Variants in CDC42BPA observed in about 807,000 individuals in gnomAD.
CDC42BPA encodes CDC42 binding protein kinase alpha, also known as serine/threonine-protein kinase MRCK alpha.
A neutral mutation model predicts 223.5 loss-of-function variants in CDC42BPA; 80 were observed. The observed-to-expected ratio is 0.36, with a 90% CI of 0.30 to 0.43. The LOEUF is 0.43. Among genes scored for constraint, CDC42BPA ranks in the 20% least tolerant of loss-of-function variants. The pLI, the probability that CDC42BPA is intolerant of heterozygous loss-of-function variation, is 1.00. For synonymous variants in CDC42BPA, 694 were observed against 718.6 expected, an observed-to-expected ratio of 0.97 and a Z score of 0.55; for missense variants, 1,743 against 2,099.9, an observed-to-expected ratio of 0.83 and a Z score of 3.32.
intron 15 of CDC42BPA, among the ~76,000 whole-genome samples, chr1:227,094,001 A>C (rs1005245469): frequency 6.6e-6 from 1 of 152,168 alleles, no homozygotes; most frequent in African/African-American, 2.4e-5. Context: ...GTTACATCAA[A>C]AAGGGAGGCC....
intron 10 of CDC42BPA, among the ~76,000 whole-genome samples, chr1:227,131,204 T>C (rs1479837254): frequency 6.6e-6 from 1 of 152,236 alleles, no homozygotes; most frequent in Non-Finnish European, 1.5e-5. Flanking sequence ...CTACGGCAGA[T>C]ACTGCTTGTT....
At chr1:227,074,480 T>C in intron 17 of CDC42BPA, 116 bp from the exon 18 acceptor site, 2 of 723,826 alleles carry the variant, frequency 2.8e-6, no homozygotes, top group Non-Finnish European at 4.5e-6. Flanking sequence ...TAGTCTTAAA[T>C]AATTTCTTTG....
chr1:227,292,014 G>A (rs752832325), intron 1 of CDC42BPA, among the ~76,000 whole-genome samples: 11 of 151,154 alleles, frequency 7.3e-5, no homozygotes, highest in South Asian at 2.1e-4. Context: ...ACGGAGTCTC[G>A]CTCTGTTGCC....
At chr1:227,205,286 ATAT>A (rs1558757821) in intron 3 of CDC42BPA, among the ~76,000 whole-genome samples, 346 of 85,570 alleles carry the variant, frequency 4.0e-3, no homozygotes, top group South Asian at 5.7e-3. Context: ...AAAAAAAAAT[ATAT>A]ATATATATAT....
chr1:227,179,509 A>G (rs924555249), intron 5 of CDC42BPA, among the ~76,000 whole-genome samples: 1 of 151,414 alleles, frequency 6.6e-6, no homozygotes, highest in Non-Finnish European at 1.5e-5. Context: ...GGTGGTGGGC[A>G]CCTGTAGTCC....
chr1:227,083,955 G>C (rs968796737), intron 16 of CDC42BPA, among the ~76,000 whole-genome samples: 2 of 152,162 alleles, frequency 1.3e-5, no homozygotes, highest in African/African-American at 4.8e-5. Context: ...CCTAGATTCT[G>C]AGGTTTTTCT....
intron 1 of CDC42BPA, among the ~76,000 whole-genome samples, chr1:227,312,712 A>T (rs1453143115): frequency 6.6e-6 from 1 of 152,130 alleles, no homozygotes; most frequent in East Asian, 1.9e-4. Flanking sequence ...CCGTCACCCA[A>T]ATCTCATGTC....
chr1:227,193,195 G>C (rs1018731356), intron 5 of CDC42BPA, among the ~76,000 whole-genome samples: 1 of 148,578 alleles, frequency 6.7e-6, no homozygotes, highest in African/African-American at 2.5e-5. Context: ...CAGCCTCTCC[G>C]AGTAGCTGGG....
At chr1:227,112,291 A>T in intron 14 of CDC42BPA, 21 bp downstream of exon 14, 1 of 1,377,868 alleles carries the variant, frequency 7.3e-7, no homozygotes, top group Non-Finnish European at 1.0e-6. Context: ...TAAGCTTCAT[A>T]AATGTGAAGT....
intron 1 of CDC42BPA, among the ~76,000 whole-genome samples, chr1:227,272,792 G>A (rs1686173668): frequency 7.0e-6 from 1 of 141,872 alleles, no homozygotes; most frequent in African/African-American, 2.7e-5. Context: ...AGAGTATAAT[G>A]AACAGAATAA....
At position 227,145,713 on chromosome 1, in the gene CDC42BPA, C is replaced by A; in HGVS notation, c.919G>T (p.Val307Leu). Residue 307 changes from valine (V) to leucine (L), a missense_variant, in exon 8 of 37, where the codon GTG (valine) becomes TTG (leucine). Physicochemically the swap from Val to Leu is conservative, Grantham distance 32 (BLOSUM62 1). Coordinates refer to ENST00000366766, the MANE Select transcript of CDC42BPA (RefSeq NM_001394014.1). ...TTAGCATTTTCAGACACATCAGTCA[C>A]TTGGGCTGGAAACTGAAACCTCTCC... ...HKERFQFPAQVTDVSENAKDL... is the reference protein window; with the variant it reads ...HKERFQFPAQLTDVSENAKDL... 6.2e-7 allele frequency: 1 copy of A among 1,613,502 alleles called. No homozygotes were observed. The highest frequency in any genetic ancestry group is 8.5e-7 in the Non-Finnish European group (1 of 1,179,612).
At chr1:227,062,458 T>C (rs1051058230) in intron 21 of CDC42BPA, among the ~76,000 whole-genome samples, 7 of 152,176 alleles carry the variant, frequency 4.6e-5, no homozygotes, top group Non-Finnish European at 7.3e-5. Context: ...ATTTCCCACA[T>C]GGTGTTATAG....
At chr1:227,297,152 A>T (rs1202150864) in intron 1 of CDC42BPA, among the ~76,000 whole-genome samples, 4 of 152,208 alleles carry the variant, frequency 2.6e-5, no homozygotes, top group Non-Finnish European at 4.4e-5. Context: ...TCTCCAAAGA[A>T]GATATACAAA....
intron 14 of CDC42BPA, among the ~76,000 whole-genome samples, chr1:227,103,439 T>C (rs1268168359): frequency 6.6e-6 from 1 of 152,080 alleles, no homozygotes; most frequent in Non-Finnish European, 1.5e-5. Flanking sequence ...AAAGGGAAGA[T>C]TAAATGTACA....
chr1:226,994,944 TC>T lies in CDC42BPA; in HGVS notation c.5011del (p.Glu1671AsnfsTer57). On this transcript the variant is annotated frameshift_variant, in exon 36 of 37. Coordinates refer to ENST00000366766, the MANE Select transcript of CDC42BPA (RefSeq NM_001394014.1). LOFTEE classifies it high-confidence loss of function. This position sits in a 1 kb window ranked among gnomAD's most constrained non-coding sequence, Gnocchi z 4.0. ...SAQNGSALKR[E>X]FSGGSYSAKR... ...GGCACTGTAGCTTCCTCCAGAGAAT[TC>T]CCTCTTTAATGCGCTGCCATTCTGT... 6.2e-7 allele frequency: 1 copy of T among 1,614,076 alleles called. No homozygotes were observed. Among genetic ancestry groups the T allele is most frequent in the Non-Finnish European group, 8.5e-7 (1 of 1,180,008 alleles).
Position 227,230,718 on chromosome 1 carries a change from G to C in CDC42BPA, c.271-17499C>G, listed in dbSNP as rs141412163. ...CTTATTAACAAAATTTTTATCTATT[G>C]CATCTATACATTTTTATGTGTAGGT... On this transcript the variant is annotated intron_variant, in intron 2 of 36. Transcript: ENST00000366766. Among the ~76,000 whole-genome samples, 915 of 151,178 alleles carry C rather than the reference G, an allele frequency of 6.1e-3. 10 individuals carry two copies. The highest frequency in any genetic ancestry group is 0.021 in the African/African-American group (862 of 41,244).
At chr1:227,298,137 T>C (rs1022669300) in intron 1 of CDC42BPA, among the ~76,000 whole-genome samples, 4 of 151,526 alleles carry the variant, frequency 2.6e-5, no homozygotes, top group African/African-American at 9.7e-5. Flanking sequence ...GTGTAGTAGG[T>C]AAAAATTTCA....
At chr1:227,009,484 C>G (rs1401405629) in intron 34 of CDC42BPA, among the ~76,000 whole-genome samples, 1 of 152,200 alleles carries the variant, frequency 6.6e-6, no homozygotes, top group African/African-American at 2.4e-5. Flanking sequence ...TCACGGCTCT[C>G]TGCAACTTCG....
At chr1:227,145,466 C>T in intron 8 of CDC42BPA, 23 bp downstream of exon 8, 1 of 1,599,158 alleles carries the variant, frequency 6.3e-7, no homozygotes, top group East Asian at 2.2e-5. Flanking sequence ...AGGGACAGAA[C>T]TTCTTCACAG....
Sources: gnomAD v4.1 joint callset for allele counts (sites outside exome capture counted in the v4.1 genomes callset) on GRCh38, gnomAD v4.1.1 for gene constraint, Gnocchi (gnomAD v3.1) non-coding constraint, MANE v1.5 for transcripts, NCBI Gene and HGNC (gene_info 2026-07-23, HGNC 2026-07-21) for gene names.